The following ITPR2 variants were observed in gnomAD, a reference collection of about 807,000 sequenced individuals.
ITPR2 encodes the protein inositol 1,4,5-trisphosphate receptor type 2, also known as inositol 1,4,5-trisphosphate-gated calcium channel ITPR2.
Under a neutral mutation model 317.1 loss-of-function variants are expected in ITPR2, and 207 were observed. The observed-to-expected ratio is 0.65, with a 90% confidence interval of 0.58 to 0.73. The LOEUF (loss-of-function observed/expected upper bound fraction) is 0.73, where lower values mean the gene tolerates loss of function less well. ITPR2 is among the 30% of genes least tolerant of loss of function. The probability of loss-of-function intolerance (pLI) is 0.00; values close to 1 mark genes in which losing one functional copy is unlikely to be tolerated. For missense variants in ITPR2, 2,613 were observed against 3,284.0 expected (o/e 0.80, Z 4.99); for synonymous variants, 1,156 against 1,149.1 (o/e 1.01, Z -0.12).
At chr12:26,763,263 T>C (rs1254605506) in intron 2 of ITPR2, among the ~76,000 whole-genome samples, 1 of 152,086 alleles carries the variant, frequency 6.6e-6, no homozygotes, top group Non-Finnish European at 1.5e-5. Context: ...TTGCCAATTA[T>C]AGTTTAATAA....
chr12:26,806,660 G>A (rs1208189396), intron 1 of ITPR2, among the ~76,000 whole-genome samples: 1 of 152,206 alleles, frequency 6.6e-6, no homozygotes, highest in African/African-American at 2.4e-5. Flanking sequence ...TGGAACTACT[G>A]AGTGGTAGTA....
intron 8 of ITPR2, among the ~76,000 whole-genome samples, chr12:26,711,960 C>T (rs1387383537): frequency 6.6e-6 from 1 of 152,160 alleles, no homozygotes; most frequent in African/African-American, 2.4e-5. Context: ...CTTTTGATAC[C>T]TGTCTCTGAA....
intron 21 of ITPR2, among the ~76,000 whole-genome samples, chr12:26,648,051 A>G (rs1947155543): frequency 6.6e-6 from 1 of 152,178 alleles, no homozygotes; most frequent in South Asian, 2.1e-4. Context: ...ACAACTTACA[A>G]TGACACTGAG....
chr12:26,370,287 T>C (rs1366732137), intron 55 of ITPR2, among the ~76,000 whole-genome samples: 1 of 152,092 alleles, frequency 6.6e-6, no homozygotes, highest in Admixed American at 6.5e-5. Flanking sequence ...CCCTGGAACT[T>C]GTGTGGTCTG....
intron 21 of ITPR2, among the ~76,000 whole-genome samples, chr12:26,651,754 T>G (rs1434487624): frequency 6.6e-6 from 1 of 152,206 alleles, no homozygotes; most frequent in Non-Finnish European, 1.5e-5. Context: ...GTTTATAGGA[T>G]CTCTTGTTCA....
At chr12:26,527,950 A>T (rs749877018) in intron 37 of ITPR2, among the ~76,000 whole-genome samples, 7 of 152,154 alleles carry the variant, frequency 4.6e-5, no homozygotes, top group Non-Finnish European at 8.8e-5. Flanking sequence ...CTCCTTTGAA[A>T]AAGGGAAGCG....
chr12:26,442,556 T>G (rs568019710), intron 46 of ITPR2, among the ~76,000 whole-genome samples: 7 of 152,192 alleles, frequency 4.6e-5, no homozygotes, highest in Non-Finnish European at 1.0e-4. Flanking sequence ...CTTTGTACTT[T>G]GACTTCTGGG....
intron 54 of ITPR2, among the ~76,000 whole-genome samples, chr12:26,393,482 A>G (rs1415621348): frequency 1.3e-5 from 2 of 152,194 alleles, no homozygotes; most frequent in African/African-American, 4.8e-5. Flanking sequence ...AAGGGAAGGG[A>G]GCAGAAAATG....
At chr12:26,724,887 T>C (rs1948894698) in intron 3 of ITPR2, 145 bp from the exon 4 acceptor site, 1 of 570,294 alleles carries the variant, frequency 1.8e-6, no homozygotes, top group African/African-American at 1.9e-5. Context: ...TTAGTTTAGG[T>C]GTTTTGTTTT....
intron 50 of ITPR2, among the ~76,000 whole-genome samples, chr12:26,417,057 G>A (rs945886591): frequency 6.6e-6 from 1 of 152,150 alleles, no homozygotes; most frequent in East Asian, 1.9e-4. Context: ...TCTAGAGTGT[G>A]GTTTTTATTA....
chr12:26,456,336 C>A (rs987788152), intron 45 of ITPR2, among the ~76,000 whole-genome samples: 5 of 152,216 alleles, frequency 3.3e-5, no homozygotes, highest in Non-Finnish European at 2.9e-5. Flanking sequence ...ACACTCCTAG[C>A]AGCGCCATGA....
chr12:26,537,937 C>T (rs562319444), intron 37 of ITPR2, among the ~76,000 whole-genome samples: 1 of 152,298 alleles, frequency 6.6e-6, no homozygotes, highest in South Asian at 2.1e-4. Flanking sequence ...ACCAGGCCTA[C>T]TCTGAAGAAA....
chr12:26,436,247 T>C lies in ITPR2; in HGVS notation c.6743A>G (p.Tyr2248Cys). The C allele has an allele frequency of 6.2e-7, 1 of 1,611,460 alleles. No homozygotes were observed. Among genetic ancestry groups the C allele is most frequent in the Non-Finnish European group, 8.5e-7 (1 of 1,179,004 alleles). The change falls in exon 48 of 57, where the codon TAC (tyrosine) becomes TGC (cysteine). Residue 2248 changes from tyrosine (Y) to cysteine (C), a missense_variant. Physicochemically the swap from Tyr to Cys is radical, Grantham distance 194. Coordinates refer to ENST00000381340, the MANE Select transcript of ITPR2 (RefSeq NM_002223.4). ...VFINLAVALF[Y>C]PFGDDGDEGT... ...TTCATCTCCATCATCCCCAAATGGG[T>C]AGAAGAGAGCAACAGCTAAATTGAT... is the stretch of plus-strand genomic sequence containing the variant.
intron 21 of ITPR2, among the ~76,000 whole-genome samples, chr12:26,640,222 T>C (rs1946954063): frequency 6.6e-6 from 1 of 152,204 alleles, no homozygotes; most frequent in Non-Finnish European, 1.5e-5. Context: ...ATTCTCATTA[T>C]TTGTAAAGTC....
chr12:26,496,546 G>T (rs528787781), intron 37 of ITPR2, among the ~76,000 whole-genome samples: 1 of 152,200 alleles, frequency 6.6e-6, no homozygotes, highest in East Asian at 1.9e-4. Context: ...TTCTTATTCT[G>T]TTTCCACTTA....
rs147660347 is a variant in ITPR2, at chr12:26,668,858, T to C, written c.1410-2807A>G. ...ATTATAGGCTGAGCACAGTGGCTCA[T>C]GCCTGTAATCCCAGCATTTTGGGAG... On this transcript the variant is annotated intron_variant, in intron 13 of 56. Coordinates refer to ENST00000381340, the MANE Select transcript of ITPR2 (RefSeq NM_002223.4). Among the ~76,000 whole-genome samples the C allele has an allele frequency of 3.5e-3, 529 of 152,084 alleles. 2 individuals are homozygous for C. The highest frequency in any genetic ancestry group is 6.0e-3 in the Non-Finnish European group (409 of 68,002).
chr12:26,556,837 G>T (rs1272037168), intron 35 of ITPR2, among the ~76,000 whole-genome samples: 3 of 151,076 alleles, frequency 2.0e-5, no homozygotes, highest in Non-Finnish European at 4.4e-5. Flanking sequence ...CCAGCACTTT[G>T]GGAGGCCAAG....
chr12:26,654,146 C>CGGGGAG lies in ITPR2; in HGVS notation c.2590-26_2590-21dup, dbSNP rs1947323383. The CGGGGAG allele has an allele frequency of 2.9e-6, 4 of 1,359,964 alleles. No homozygotes were observed. The South Asian group carries it at 5.7e-5, about 19-fold the overall frequency. 84.2% of individuals were successfully genotyped at this position (1,359,964 alleles called of 1,614,324 possible). On this transcript the variant is annotated intron_variant, in intron 20 of 56. Transcript: ENST00000381340. ...GACCACCTTAATAAAAAAAAAAAAG[C>CGGGGAG]GGGGAGGGGGAGGGTGAAAGAGTGG...
intron 2 of ITPR2, among the ~76,000 whole-genome samples, chr12:26,754,001 G>T (rs941946133): frequency 6.6e-6 from 1 of 152,112 alleles, no homozygotes; most frequent in African/African-American, 2.4e-5. Flanking sequence ...TTCTGTCTGT[G>T]TATTTATATG....
Sources: allele counts gnomAD v4.1 joint callset (sites outside exome capture counted in the v4.1 genomes callset), GRCh38; gene constraint gnomAD v4.1.1; transcripts MANE v1.5; gene names NCBI Gene and HGNC (gene_info 2026-07-23, HGNC 2026-07-21).